Variants in PRDM16 observed in about 807,000 individuals in gnomAD.
PRDM16 encodes PR/SET domain 16.
In PRDM16, 23 loss-of-function variants were observed where a neutral mutation model predicts 110.6. The observed-to-expected ratio is 0.21, with a 90% CI of 0.15 to 0.29. The LOEUF is 0.29. Ranked by LOEUF, PRDM16 falls within the 10% of genes least tolerant of loss-of-function variation. The probability of loss-of-function intolerance (pLI) is 1.00; values close to 1 mark genes in which losing one functional copy is unlikely to be tolerated. For synonymous variants in PRDM16, 799 were observed against 781.8 expected, an observed-to-expected ratio of 1.02 and a Z score of -0.37; for missense variants, 1,615 against 1,794.3, an observed-to-expected ratio of 0.90 and a Z score of 1.81.
intron 2 of PRDM16, among the ~76,000 whole-genome samples, chr1:3,225,894 C>T (rs965897755): frequency 1.3e-5 from 2 of 152,234 alleles, no homozygotes; most frequent in African/African-American, 4.8e-5. Context: ...CGGTGGCATG[C>T]TCCAATGCAA....
At chr1:3,418,219 A>G (rs962383588) in intron 11 of PRDM16, among the ~76,000 whole-genome samples, 5 of 152,206 alleles carry the variant, frequency 3.3e-5, no homozygotes, top group Admixed American at 6.5e-5. Flanking sequence ...GCTCAAGAAT[A>G]TGCAACCTCA....
intron 2 of PRDM16, among the ~76,000 whole-genome samples, chr1:3,212,617 GAGGT>G (rs1638915855): frequency 6.9e-6 from 1 of 145,858 alleles, no homozygotes; most frequent in African/African-American, 2.6e-5. Context: ...CCCCCTCGCT[GAGGT>G]CCTCCCGCTC....
intron 1 of PRDM16, chr1:3,133,614 C>G (rs569431217): frequency 6.6e-6 from 1 of 152,392 alleles, no homozygotes; most frequent in African/African-American, 2.4e-5. Flanking sequence ...GCTTGCAGTC[C>G]CATCTGATTT....
intron 5 of PRDM16, among the ~76,000 whole-genome samples, chr1:3,401,402 G>A (rs1454573153): frequency 1.3e-5 from 2 of 152,176 alleles, no homozygotes; most frequent in Admixed American, 6.5e-5. Context: ...TGGGCACTGG[G>A]TCAGTCCTCG....
At chr1:3,231,416 C>A (rs945981732) in intron 2 of PRDM16, among the ~76,000 whole-genome samples, 2 of 150,534 alleles carry the variant, frequency 1.3e-5, no homozygotes, top group East Asian at 3.9e-4. Flanking sequence ...TCCCCTTCTC[C>A]GTCGTCAGGG....
At chr1:3,149,123 GA>G (rs1260570216) in intron 1 of PRDM16, among the ~76,000 whole-genome samples, 1 of 152,208 alleles carries the variant, frequency 6.6e-6, no homozygotes, top group African/African-American at 2.4e-5. Flanking sequence ...AACAGTGGGG[GA>G]CAGGGGTACG....
intron 3 of PRDM16, among the ~76,000 whole-genome samples, chr1:3,334,406 C>T (rs542109565): frequency 1.3e-5 from 2 of 152,304 alleles, no homozygotes; most frequent in African/African-American, 2.4e-5. Flanking sequence ...AACCCACCCC[C>T]CCACATTCTC....
rs1355867316 is a variant in PRDM16 at position 3,265,216 on chromosome 1, G to A, written c.438+21079G>A. ...GAGACAGGAGCAGGGCTCTGGGTCCGGAGAAATTGCAACCATGGCTTGACA... is the reference window on the plus strand; with the variant it reads ...GAGACAGGAGCAGGGCTCTGGGTCCAGAGAAATTGCAACCATGGCTTGACA... On this transcript the variant is annotated intron_variant, in intron 3 of 16. Coordinates refer to ENST00000270722, the MANE Select transcript of PRDM16 (RefSeq NM_022114.4). The surrounding 1 kb of genome is among the most constrained non-coding windows in gnomAD (Gnocchi z 4.5). Among the ~76,000 whole-genome samples the A allele has an allele frequency of 6.6e-6, 1 of 152,132 alleles. No individual in the cohort carries two copies. Among genetic ancestry groups the A allele is most frequent in the East Asian group, 1.9e-4 (1 of 5,196 alleles).
chr1:3,246,743 A>G lies in PRDM16; in HGVS notation c.438+2606A>G, dbSNP rs117728122. Among the ~76,000 whole-genome samples the G allele has an allele frequency of 4.9e-4, 75 of 152,252 alleles. 1 individual carries two copies. The East Asian group carries it at 0.014, about 29-fold the overall frequency. On this transcript the variant is annotated intron_variant, in intron 3 of 16. Transcript: ENST00000270722. This position sits in a 1 kb window ranked among gnomAD's most constrained non-coding sequence, Gnocchi z 5.2. ...TTGCCAAGGCCATGCTGGTGGGAGA[A>G]TCAGATCCCTAACCCCAGGGCTCAG...
intron 3 of PRDM16, among the ~76,000 whole-genome samples, chr1:3,248,753 A>T (rs1238362168): frequency 6.6e-6 from 1 of 152,262 alleles, no homozygotes; most frequent in African/African-American, 2.4e-5. Context: ...TGATTGATTG[A>T]TAATGACGAT....
Position 3,349,297 on chromosome 1 carries a change from C to T in PRDM16, c.439-35855C>T, listed in dbSNP as rs540471037. ...GCTGGTGTCAGGGAGGAGGTGTGGA[C>T]GGGGCCGCACCGGCACGCTGTGAGT... On this transcript the variant is annotated intron_variant, in intron 3 of 16. Coordinates refer to ENST00000270722, the MANE Select transcript of PRDM16 (RefSeq NM_022114.4). Among the ~76,000 whole-genome samples the T allele has an allele frequency of 6.6e-5, 10 of 152,240 alleles. No individual in the cohort carries two copies. The South Asian group carries it at 1.0e-3, about 16-fold the overall frequency.
At chr1:3,384,970 G>A (rs527401444) in intron 3 of PRDM16, among the ~76,000 whole-genome samples, 182 bp from the exon 4 acceptor site, 17 of 152,268 alleles carry the variant, frequency 1.1e-4, no homozygotes, top group African/African-American at 3.1e-4. Flanking sequence ...GGAGACTCCC[G>A]GGCATGGGCA....
At chr1:3,279,788 C>A (rs1640670172) in intron 3 of PRDM16, among the ~76,000 whole-genome samples, 1 of 151,910 alleles carries the variant, frequency 6.6e-6, no homozygotes, top group Non-Finnish European at 1.5e-5. Context: ...AGGACCAGAG[C>A]CTGCGGGGGG....
At chr1:3,181,323 A>ACACACGGTCTTACGCATGG (rs1557508712) in intron 1 of PRDM16, among the ~76,000 whole-genome samples, 1 of 30,590 alleles carries the variant, frequency 3.3e-5, no homozygotes, top group Non-Finnish European at 6.7e-5. Flanking sequence ...TACACACGCA[A>ACACACGGTCTTACGCATGG]TCTTACACAA....
At position 3,069,765 on chromosome 1, in the gene PRDM16, T is replaced by C. The variant is rs564869000; in HGVS notation, c.37+469T>C. On this transcript the variant is annotated intron_variant, in intron 1 of 16. Transcript: ENST00000270722. The surrounding 1 kb of genome is among the most constrained non-coding windows in gnomAD (Gnocchi z 6.1). ...CCTGGTCAAATCATATTCCGGGCTTTTGAAATAGTGGGCGCTAGAGCACCG... is the reference window on the plus strand; with the variant it reads ...CCTGGTCAAATCATATTCCGGGCTTCTGAAATAGTGGGCGCTAGAGCACCG... Among the ~76,000 whole-genome samples, 1 of 152,068 alleles carries C rather than the reference T, an allele frequency of 6.6e-6. No homozygotes were observed. The highest frequency in any genetic ancestry group is 2.1e-4 in the South Asian group (1 of 4,830).
chr1:3,321,201 C>T lies in PRDM16; in HGVS notation c.439-63951C>T, dbSNP rs376727379. 2.9e-4 allele frequency among the ~76,000 whole-genome samples: 44 copies of T among 152,146 alleles called. No homozygotes were observed. The East Asian group carries it at 8.1e-3, about 28-fold the overall frequency. ...GAAGCTCCCTCAGAGATAACTTAACCCCGGGTGGGCTGATGGGGGAGCATG... is the reference window on the plus strand; with the variant it reads ...GAAGCTCCCTCAGAGATAACTTAACTCCGGGTGGGCTGATGGGGGAGCATG... On this transcript the variant is annotated intron_variant, in intron 3 of 16. Coordinates refer to ENST00000270722, the MANE Select transcript of PRDM16 (RefSeq NM_022114.4).
At chr1:3,289,248 A>G (rs956244976) in intron 3 of PRDM16, among the ~76,000 whole-genome samples, 8 of 152,196 alleles carry the variant, frequency 5.3e-5, no homozygotes, top group African/African-American at 1.9e-4. Context: ...GCTGAGACTG[A>G]GGCCCAAGCC....
intron 3 of PRDM16, among the ~76,000 whole-genome samples, chr1:3,361,799 G>A (rs993161389): frequency 2.6e-5 from 4 of 151,730 alleles, no homozygotes; most frequent in Admixed American, 6.6e-5. Context: ...AAGTGACTGC[G>A]GTCCAGGAGG....
chr1:3,408,389 CAG>C (rs1167483579), intron 8 of PRDM16, among the ~76,000 whole-genome samples: 3 of 152,196 alleles, frequency 2.0e-5, no homozygotes, highest in Non-Finnish European at 4.4e-5. Context: ...GAGAACAGGA[CAG>C]AGAGGAAGTA....
Sources: gnomAD v4.1 joint callset for allele counts (sites outside exome capture counted in the v4.1 genomes callset) on GRCh38, gnomAD v4.1.1 for gene constraint, Gnocchi (gnomAD v3.1) non-coding constraint, MANE v1.5 for transcripts, NCBI Gene and HGNC (gene_info 2026-07-23, HGNC 2026-07-21) for gene names.